The following ARHGEF7 variants were observed in gnomAD, a reference collection of about 807,000 sequenced individuals.
ARHGEF7 encodes Rho guanine nucleotide exchange factor 7.
ARHGEF7 carries 33 observed loss-of-function variants against 109.8 expected under a neutral mutation model. The observed-to-expected ratio is 0.30, with a 90% CI of 0.23 to 0.40. ARHGEF7 has a LOEUF of 0.40. Ranked by LOEUF, ARHGEF7 falls within the 10% of genes least tolerant of loss-of-function variation. The probability of loss-of-function intolerance (pLI) is 1.00; values close to 1 mark genes in which losing one functional copy is unlikely to be tolerated. For missense variants in ARHGEF7, 938 were observed against 1,098.5 expected, an observed-to-expected ratio of 0.85 and a Z score of 2.07; for synonymous variants, 458 against 424.6, an observed-to-expected ratio of 1.08 and a Z score of -0.97.
At chr13:111,126,857 A>G (rs1054113626) in intron 1 of ARHGEF7, among the ~76,000 whole-genome samples, 5 of 152,210 alleles carry the variant, frequency 3.3e-5, no homozygotes, top group African/African-American at 9.6e-5. Flanking sequence ...GTTGCCTGTA[A>G]TGGAGCTTCC....
At chr13:111,196,355 A>G (rs2080498173) in intron 2 of ARHGEF7, among the ~76,000 whole-genome samples, 1 of 152,206 alleles carries the variant, frequency 6.6e-6, no homozygotes, top group South Asian at 2.1e-4. Context: ...TACTTGACTA[A>G]GATACCAGGT....
chr13:111,169,264 A>G (rs2077383278), intron 2 of ARHGEF7, among the ~76,000 whole-genome samples: 1 of 152,200 alleles, frequency 6.6e-6, no homozygotes, highest in Admixed American at 6.5e-5. Context: ...ATGGCTATAA[A>G]TACCTGAGAC....
At position 111,236,810 on chromosome 13, in the gene ARHGEF7, C is replaced by A. The variant is rs141570525; in HGVS notation, c.759+3517C>A. ...AACAAGACCATGTCTCTAGAAAAAA[C>A]CAAAATTACCTGGGCTGGGTGGCAA... is the stretch of plus-strand genomic sequence containing the variant. On this transcript the variant is annotated intron_variant, in intron 6 of 21. Coordinates refer to ENST00000646102, the MANE Select transcript of ARHGEF7 (RefSeq NM_001354046.2). Among the ~76,000 whole-genome samples, 949 of 152,118 alleles carry A rather than the reference C, an allele frequency of 6.2e-3. 5 individuals carry two copies. The highest frequency in any genetic ancestry group is 0.021 in the African/African-American group (888 of 41,488).
Position 111,214,318 on chromosome 13 carries a change from C to T in ARHGEF7, c.469-3361C>T, listed in dbSNP as rs138755403. 9.3e-3 allele frequency among the ~76,000 whole-genome samples: 1,413 copies of T among 152,362 alleles called. 9 individuals carry two copies. The highest frequency in any genetic ancestry group is 0.017 in the Middle Eastern group (5 of 294). ...GCCCTGGCCTCAGCCCTGGTGCTGG[C>T]TGGAGCCTCAGGGCTGGCCAAGGGT... On this transcript the variant is annotated intron_variant, in intron 4 of 21. Coordinates refer to ENST00000646102, the MANE Select transcript of ARHGEF7 (RefSeq NM_001354046.2).
At chr13:111,250,065 A>G (rs756203150) in intron 8 of ARHGEF7, among the ~76,000 whole-genome samples, 23 of 152,230 alleles carry the variant, frequency 1.5e-4, no homozygotes, top group Non-Finnish European at 2.1e-4. Context: ...TAATTTGGCT[A>G]TAGCCAGATT....
In ARHGEF7 at chr13:111,292,155, G is replaced by A. The variant is rs760541908; in HGVS notation, c.2172G>A (p.Leu724=). The A allele has an allele frequency of 9.9e-6, 16 of 1,613,432 alleles. No homozygotes were observed. The Admixed American group carries it at 2.7e-4, about 27-fold the overall frequency. The stretch of plus-strand genomic sequence containing the variant: ...CTGACCTGATGCATAATCACGTCTT[G>A]GCTGATGATGACCAACCAAGCCTAG... The part of the protein sequence containing the change: ...QGTDLMHNHV[L]ADDDQPSLDS... The change falls in exon 19 of 22, where the codon TTG becomes TTA. Residue 724 remains leucine (L), a synonymous_variant. Coordinates refer to ENST00000646102, the MANE Select transcript of ARHGEF7 (RefSeq NM_001354046.2).
intron 1 of ARHGEF7, among the ~76,000 whole-genome samples, chr13:111,133,805 AT>A (rs1210543529): frequency 0.078 from 2,392 of 30,558 alleles, 161 homozygotes; most frequent in Middle Eastern, 0.14. Flanking sequence ...ATATATATAT[AT>A]ATATATATTT....
At chr13:111,302,940 C>T in intron 21 of ARHGEF7, 51 bp from the exon 22 acceptor site, 1 of 1,606,586 alleles carries the variant, frequency 6.2e-7, no homozygotes, top group Non-Finnish European at 8.5e-7. Context: ...GAAAGGAAGC[C>T]CTACGCGATG....
chr13:111,299,936 A>T lies in ARHGEF7; in HGVS notation c.2312-812A>T, dbSNP rs549895872. 2.6e-5 allele frequency among the ~76,000 whole-genome samples: 4 copies of T among 152,258 alleles called. No individual in the cohort carries two copies. In the East Asian group the frequency reaches 7.7e-4, roughly 29 times the overall value. ...AGCCTTCTGATTTGCATCTGGCATA[A>T]TTTTTCAAAAATATAAATGGTACAC... On this transcript the variant is annotated intron_variant, in intron 19 of 21. Coordinates refer to ENST00000646102, the MANE Select transcript of ARHGEF7 (RefSeq NM_001354046.2).
At chr13:111,169,766 T>C (rs572416835) in intron 2 of ARHGEF7, among the ~76,000 whole-genome samples, 1 of 152,352 alleles carries the variant, frequency 6.6e-6, no homozygotes, top group East Asian at 1.9e-4. Flanking sequence ...GAACATTTAA[T>C]GATCACCTCT....
chr13:111,118,033 C>T (rs1022219760), intron 1 of ARHGEF7, among the ~76,000 whole-genome samples: 4 of 152,256 alleles, frequency 2.6e-5, no homozygotes, highest in African/African-American at 7.2e-5. Context: ...ACAGGGGCTT[C>T]GCTTGACCTC....
chr13:111,116,020 G>T (rs1472272203), intron 1 of ARHGEF7, among the ~76,000 whole-genome samples: 1 of 152,116 alleles, frequency 6.6e-6, no homozygotes, highest in Non-Finnish European at 1.5e-5. Flanking sequence ...TGGGGGGCCG[G>T]CCCCGCTCCC....
At chr13:111,244,114 C>A in intron 7 of ARHGEF7, 85 bp from the exon 8 acceptor site, 1 of 1,246,816 alleles carries the variant, frequency 8.0e-7, no homozygotes, top group Non-Finnish European at 1.1e-6. Context: ...TAGGTTAAGA[C>A]TTCAATAGGA....
intron 2 of ARHGEF7, among the ~76,000 whole-genome samples, chr13:111,204,144 G>A (rs556444163): frequency 6.6e-6 from 1 of 152,256 alleles, no homozygotes; most frequent in African/African-American, 2.4e-5. Flanking sequence ...GATGAATAAG[G>A]ATTAGCCAGG....
At chr13:111,283,083 G>A (rs1175462417) in intron 15 of ARHGEF7, 56 bp from the exon 16 acceptor site, 7 of 1,538,972 alleles carry the variant, frequency 4.5e-6, no homozygotes, top group South Asian at 2.4e-5. Flanking sequence ...GTGCCCTTTC[G>A]CGGTGAGCAC....
intron 1 of ARHGEF7, among the ~76,000 whole-genome samples, chr13:111,129,804 A>G (rs1346608186): frequency 6.6e-6 from 1 of 152,254 alleles, no homozygotes; most frequent in African/African-American, 2.4e-5. Context: ...ACTGCTTCGG[A>G]AAACAGTTGA....
chr13:111,147,737 G>A (rs536095597), intron 1 of ARHGEF7, among the ~76,000 whole-genome samples: 4 of 120,716 alleles, frequency 3.3e-5, no homozygotes, highest in South Asian at 5.5e-4. Flanking sequence ...TCGCTCTGTC[G>A]CCCAGGCTGG....
chr13:111,293,454 A>G, intron 19 of ARHGEF7: 1 of 960,094 alleles, frequency 1.0e-6, no homozygotes, highest in East Asian at 1.2e-4. Flanking sequence ...AAAAAAAAAA[A>G]CTCACCCGTT....
intron 2 of ARHGEF7, among the ~76,000 whole-genome samples, chr13:111,181,683 C>T (rs1333918305): frequency 1.3e-5 from 2 of 152,120 alleles, no homozygotes; most frequent in Non-Finnish European, 2.9e-5. Context: ...CCTGAGGCAT[C>T]ATGGAACAGT....
Sources: gnomAD v4.1 joint callset for allele counts (sites outside exome capture counted in the v4.1 genomes callset) on GRCh38, gnomAD v4.1.1 for gene constraint, MANE v1.5 for transcripts, NCBI Gene and HGNC (gene_info 2026-07-23, HGNC 2026-07-21) for gene names.